Variants in VWC2 observed in about 807,000 individuals in gnomAD.
VWC2 encodes the protein brorin.
VWC2 carries 14 observed loss-of-function variants against 29.8 expected under a neutral mutation model. The ratio of observed to expected loss-of-function variants is 0.47; its 90% CI spans 0.31 to 0.74. The LOEUF is 0.74. Ranked by LOEUF, VWC2 falls within the 30% of genes least tolerant of loss-of-function variation. The probability of loss-of-function intolerance (pLI) is 0.05; values close to 1 mark genes in which losing one functional copy is unlikely to be tolerated. For synonymous variants in VWC2, 213 were observed against 199.0 expected (o/e 1.07, Z -0.59); for missense variants, 457 against 459.8 (o/e 0.99, Z 0.05).
At chr7:49,785,884 G>A (rs924568377) in intron 2 of VWC2, among the ~76,000 whole-genome samples, 1 of 152,118 alleles carries the variant, frequency 6.6e-6, no homozygotes, top group African/African-American at 2.4e-5. Context: ...TGAAATTTAG[G>A]AAGAAGGAAA....
intron 3 of VWC2, among the ~76,000 whole-genome samples, chr7:49,835,243 A>C (rs1789630410): frequency 6.6e-6 from 1 of 152,350 alleles, no homozygotes; most frequent in South Asian, 2.1e-4. Flanking sequence ...CCCACCTAGC[A>C]AGTGGCTTCA....
intron 3 of VWC2, among the ~76,000 whole-genome samples, chr7:49,831,437 G>A (rs762202512): frequency 5.9e-5 from 9 of 152,108 alleles, no homozygotes; most frequent in Non-Finnish European, 1.2e-4. Flanking sequence ...GAACATGTAG[G>A]GACTTCAGGG....
chr7:49,797,911 T>G (rs1284052666), intron 2 of VWC2, among the ~76,000 whole-genome samples: 1 of 152,204 alleles, frequency 6.6e-6, no homozygotes, highest in African/African-American at 2.4e-5. Context: ...AGAATGACAT[T>G]TCTGCCATAA....
At chr7:49,852,877 TG>T (rs1285006125) in intron 3 of VWC2, among the ~76,000 whole-genome samples, 2 of 152,232 alleles carry the variant, frequency 1.3e-5, no homozygotes, top group Non-Finnish European at 2.9e-5. Flanking sequence ...AGATGGAAAC[TG>T]GCTTCTGTAA....
intron 2 of VWC2, among the ~76,000 whole-genome samples, chr7:49,788,445 C>CTGTGTGTGTG: frequency 1.3e-5 from 2 of 148,180 alleles, no homozygotes; most frequent in African/African-American, 4.9e-5. Context: ...TTCCCCTGGC[C>CTGTGTGTGTG]TGTGTGTGTG....
intron 3 of VWC2, among the ~76,000 whole-genome samples, chr7:49,832,086 A>G (rs558663078): frequency 1.8e-4 from 28 of 152,176 alleles, no homozygotes; most frequent in Non-Finnish European, 3.4e-4. Context: ...GTGGGGACAA[A>G]GCAGTTCAGC....
intron 3 of VWC2, among the ~76,000 whole-genome samples, chr7:49,869,291 A>G (rs543107343): frequency 6.6e-6 from 1 of 152,326 alleles, no homozygotes; most frequent in Non-Finnish European, 1.5e-5. Context: ...AATGGAGGAA[A>G]TAATTCCTCC....
At chr7:49,853,102 C>T (rs559625484) in intron 3 of VWC2, among the ~76,000 whole-genome samples, 2 of 152,376 alleles carry the variant, frequency 1.3e-5, no homozygotes, top group South Asian at 2.1e-4. Context: ...AGGCTGAAGG[C>T]AGGCTCCCAG....
intron 2 of VWC2, among the ~76,000 whole-genome samples, chr7:49,790,154 C>G (rs1194087626): frequency 6.6e-6 from 1 of 152,190 alleles, no homozygotes; most frequent in Non-Finnish European, 1.5e-5. Context: ...GCATAATTGA[C>G]CTAGCAAGTT....
chr7:49,829,828 T>C (rs1789485021), intron 3 of VWC2, among the ~76,000 whole-genome samples: 1 of 152,216 alleles, frequency 6.6e-6, no homozygotes, highest in Non-Finnish European at 1.5e-5. Context: ...GAGTCTGTGG[T>C]TTCACAGTTT....
At chr7:49,902,961 C>T (rs577268057) in intron 3 of VWC2, among the ~76,000 whole-genome samples, 1 of 151,800 alleles carries the variant, frequency 6.6e-6, no homozygotes, top group Non-Finnish European at 1.5e-5. Flanking sequence ...AGGCAAAATA[C>T]ATGAAGAGTC....
At chr7:49,802,610 T>G in intron 2 of VWC2, 101 bp from the exon 3 acceptor site, 2 of 1,485,858 alleles carry the variant, frequency 1.3e-6, no homozygotes, top group Non-Finnish European at 1.8e-6. Context: ...TGCACTCCAG[T>G]GTGAGCGACA....
chr7:49,883,873 G>A (rs2128728039), intron 3 of VWC2, among the ~76,000 whole-genome samples: 1 of 152,322 alleles, frequency 6.6e-6, no homozygotes, highest in African/African-American at 2.4e-5. Context: ...AAGAAAACAA[G>A]TATTCAACAA....
intron 3 of VWC2, among the ~76,000 whole-genome samples, chr7:49,836,494 G>A (rs1789663213): frequency 6.7e-6 from 1 of 149,296 alleles, no homozygotes; most frequent in South Asian, 2.1e-4. Context: ...ATGAAAATTA[G>A]TGAGGCATGT....
intron 2 of VWC2, among the ~76,000 whole-genome samples, chr7:49,799,680 A>T (rs1472779003): frequency 2.0e-5 from 3 of 152,260 alleles, no homozygotes; most frequent in Admixed American, 1.3e-4. Flanking sequence ...TCACTAAATG[A>T]CAGGGAAGCA....
chr7:49,890,347 G>T (rs1792075466), intron 3 of VWC2, among the ~76,000 whole-genome samples: 1 of 152,152 alleles, frequency 6.6e-6, no homozygotes, highest in South Asian at 2.1e-4. Flanking sequence ...AGGACCATCA[G>T]GAAGACAAAA....
chr7:49,776,254 G>A lies in VWC2; in HGVS notation c.696+123G>A, dbSNP rs571005546. The A allele has an allele frequency of 5.9e-6, 5 of 844,950 alleles. No individual in the cohort carries two copies. The African/African-American group carries it at 8.6e-5, about 14-fold the overall frequency. 52.3% of individuals were successfully genotyped at this position (844,950 alleles called of 1,614,324 possible). On this transcript the variant is annotated intron_variant, in intron 2 of 3. Coordinates refer to ENST00000340652, the MANE Select transcript of VWC2 (RefSeq NM_198570.5). ...CTGGTTCTGAGAGGTGGAGAGCACT[G>A]TGCTCACGTCCCTTTGACATGACCT...
chr7:49,789,463 A>G (rs974307069), intron 2 of VWC2, among the ~76,000 whole-genome samples: 1 of 152,062 alleles, frequency 6.6e-6, no homozygotes, highest in African/African-American at 2.4e-5. Flanking sequence ...TTACACACTT[A>G]GTTCATGGCC....
intron 2 of VWC2, among the ~76,000 whole-genome samples, chr7:49,786,615 C>T (rs1788303976): frequency 6.6e-6 from 1 of 152,148 alleles, no homozygotes; most frequent in African/African-American, 2.4e-5. Flanking sequence ...TATTAGTGCT[C>T]CCTTTTCTCT....
Sources: gnomAD v4.1 joint callset for allele counts (sites outside exome capture counted in the v4.1 genomes callset) on GRCh38, gnomAD v4.1.1 for gene constraint, MANE v1.5 for transcripts, NCBI Gene and HGNC (gene_info 2026-07-23, HGNC 2026-07-21) for gene names.